WWOX: variants seen among roughly 807,000 people sequenced by gnomAD.
WWOX encodes WW domain-containing oxidoreductase.
In WWOX, 69 loss-of-function variants were observed where a neutral mutation model predicts 46.2. The ratio of observed to expected loss-of-function variants is 1.49; its 90% CI spans 1.23 to 1.82. WWOX has a LOEUF of 1.82. WWOX is among the 40% of genes most tolerant of loss of function. The pLI is 0.00. For missense variants in WWOX, 919 were observed against 542.6 expected, an observed-to-expected ratio of 1.69 and a Z score of -6.89; for synonymous variants, 359 against 202.6, an observed-to-expected ratio of 1.77 and a Z score of -6.56.
rs891067047 is a variant in WWOX, at chr16:78,542,801, CCTTT to C, written c.1056+110061_1056+110064del. On this transcript the variant is annotated intron_variant, in intron 8 of 8. Transcript: ENST00000566780. ...TAATAAGCTCCAAGTGCTTTCGTTT[CCTTT>C]CTTTCTTTCTTAATGCAGGGAAAAT... Among the ~76,000 whole-genome samples the C allele has an allele frequency of 3.9e-5, 6 of 152,260 alleles. 1 individual carries two copies. The highest frequency in any genetic ancestry group is 4.1e-4 in the South Asian group (2 of 4,832).
intron 8 of WWOX, among the ~76,000 whole-genome samples, chr16:79,139,094 G>C (rs2050038468): frequency 6.6e-6 from 1 of 152,130 alleles, no homozygotes; most frequent in South Asian, 2.1e-4. Context: ...TCATCCACCA[G>C]CTTCCCCGGC....
At chr16:78,815,482 C>T (rs529378974) in intron 8 of WWOX, among the ~76,000 whole-genome samples, 18 of 152,292 alleles carry the variant, frequency 1.2e-4, no homozygotes, top group African/African-American at 1.4e-4. Context: ...ACACTTCTTA[C>T]GTTACCCGTT....
intron 8 of WWOX, among the ~76,000 whole-genome samples, chr16:79,128,389 A>C (rs2049805309): frequency 6.6e-6 from 1 of 152,046 alleles, no homozygotes; most frequent in Non-Finnish European, 1.5e-5. Context: ...CAAAAAACAA[A>C]AAAAAAAACA....
intron 8 of WWOX, among the ~76,000 whole-genome samples, chr16:78,883,207 T>C (rs953164429): frequency 6.6e-6 from 1 of 152,126 alleles, no homozygotes; most frequent in African/African-American, 2.4e-5. Context: ...GTTGTGGAAA[T>C]TAAAGTAGCC....
chr16:78,928,717 T>G (rs1028196304), intron 8 of WWOX, among the ~76,000 whole-genome samples: 2 of 152,176 alleles, frequency 1.3e-5, no homozygotes, highest in African/African-American at 4.8e-5. Flanking sequence ...TGGCTCTCTT[T>G]CATCAACACT....
intron 8 of WWOX, among the ~76,000 whole-genome samples, chr16:78,543,875 G>A (rs752524359): frequency 1.3e-5 from 2 of 152,126 alleles, no homozygotes; most frequent in African/African-American, 4.8e-5. Context: ...CTGTTTATTT[G>A]TATCAAGGAC....
At chr16:78,496,930 C>A (rs2084932354) in intron 8 of WWOX, among the ~76,000 whole-genome samples, 1 of 152,148 alleles carries the variant, frequency 6.6e-6, no homozygotes, top group Admixed American at 6.5e-5. Context: ...CCTTTCCCGC[C>A]CTCTCAAGCC....
chr16:78,557,349 C>T (rs74029557), intron 8 of WWOX, among the ~76,000 whole-genome samples: 3,201 of 152,218 alleles, frequency 0.021, 58 homozygotes, highest in African/African-American at 0.05. Context: ...ATTATTTCTC[C>T]GCCCCCCGCA....
intron 8 of WWOX, among the ~76,000 whole-genome samples, chr16:78,824,511 C>A (rs570932716): frequency 1.1e-3 from 161 of 152,206 alleles, no homozygotes; most frequent in African/African-American, 3.3e-3. Flanking sequence ...GTTTGTTTTT[C>A]ACGCTGCTGA....
chr16:78,385,461 T>G (rs900940863), intron 5 of WWOX, among the ~76,000 whole-genome samples: 26 of 152,344 alleles, frequency 1.7e-4, no homozygotes, highest in African/African-American at 6.3e-4. Context: ...TGACTAATAT[T>G]CATCTTTTAC....
intron 8 of WWOX, among the ~76,000 whole-genome samples, chr16:78,600,768 T>G (rs1004972127): frequency 1.3e-5 from 2 of 152,182 alleles, no homozygotes; most frequent in Middle Eastern, 3.2e-3. Flanking sequence ...TAGGCTTGAC[T>G]TCTCTGTACA....
Position 79,070,948 on chromosome 16 carries a change from G to T in WWOX, c.1057-140660G>T, listed in dbSNP as rs543812717. Among the ~76,000 whole-genome samples the T allele has an allele frequency of 9.2e-5, 14 of 152,306 alleles. No homozygotes were observed. The South Asian group carries it at 2.1e-3, about 23-fold the overall frequency. On this transcript the variant is annotated intron_variant, in intron 8 of 8. Coordinates refer to ENST00000566780, the MANE Select transcript of WWOX (RefSeq NM_016373.4). ...TTTTGACAATACACTTCCAGGGCAGGTGGTTTCTTACTATGTCCCTCCCTA... is the reference window on the plus strand; with the variant it reads ...TTTTGACAATACACTTCCAGGGCAGTTGGTTTCTTACTATGTCCCTCCCTA...
chr16:78,637,944 T>A (rs1173517889), intron 8 of WWOX, among the ~76,000 whole-genome samples: 1 of 152,100 alleles, frequency 6.6e-6, no homozygotes, highest in East Asian at 1.9e-4. Context: ...GGAAGGGGTC[T>A]CCATGGTTTC....
At position 78,399,854 on chromosome 16, in the gene WWOX, G is replaced by T. The variant is rs1472759579; in HGVS notation, c.605+12906G>T. ...CACTGAAATCACATTTTAATAACAT[G>T]GGAACCATCTTTTCCCAGTAAATTG... On this transcript the variant is annotated intron_variant, in intron 6 of 8. Transcript: ENST00000566780. Among the ~76,000 whole-genome samples, 3 of 152,212 alleles carry T rather than the reference G, an allele frequency of 2.0e-5. No homozygotes were observed. The East Asian group carries it at 5.8e-4, about 29-fold the overall frequency.
intron 6 of WWOX, among the ~76,000 whole-genome samples, chr16:78,387,297 C>G (rs572447343): frequency 6.6e-6 from 1 of 152,248 alleles, no homozygotes; most frequent in African/African-American, 2.4e-5. Context: ...ATTTAAATTG[C>G]ATTCAGGAAC....
At chr16:78,901,456 T>C (rs1171780160) in intron 8 of WWOX, among the ~76,000 whole-genome samples, 1 of 152,238 alleles carries the variant, frequency 6.6e-6, no homozygotes, top group African/African-American at 2.4e-5. Context: ...TCTGTTTTGC[T>C]CCTTCTTTTC....
At chr16:78,147,694 TTTAAAA>T (rs1276219416) in intron 4 of WWOX, among the ~76,000 whole-genome samples, 2 of 108,918 alleles carry the variant, frequency 1.8e-5, no homozygotes, top group African/African-American at 6.7e-5. Flanking sequence ...TTTTTTTTTT[TTTAAAA>T]AAAAAAAAGG....
At chr16:79,139,641 G>C (rs2050050434) in intron 8 of WWOX, among the ~76,000 whole-genome samples, 1 of 151,648 alleles carries the variant, frequency 6.6e-6, no homozygotes, top group Admixed American at 6.6e-5. Context: ...CAGAAGAAAA[G>C]CAGGCCGATC....
intron 5 of WWOX, among the ~76,000 whole-genome samples, chr16:78,357,970 C>G (rs1283939702): frequency 6.6e-6 from 1 of 152,164 alleles, no homozygotes; most frequent in Non-Finnish European, 1.5e-5. Context: ...GTCACTGATA[C>G]AACTGGGGAC....
Sources: allele counts gnomAD v4.1 joint callset (sites outside exome capture counted in the v4.1 genomes callset), GRCh38; gene constraint gnomAD v4.1.1; transcripts MANE v1.5; gene names NCBI Gene and HGNC (gene_info 2026-07-23, HGNC 2026-07-21).